The following ZSWIM6 variants were observed in gnomAD, a reference collection of about 807,000 sequenced individuals.
ZSWIM6 encodes zinc finger SWIM domain-containing protein 6.
ZSWIM6 carries 9 observed loss-of-function variants against 113.2 expected under a neutral mutation model. That is an observed-to-expected ratio of 0.08 (90% CI 0.05 to 0.14). The LOEUF (loss-of-function observed/expected upper bound fraction) is 0.14, where lower values mean the gene tolerates loss of function less well. Ranked by LOEUF, ZSWIM6 falls within the 10% of genes least tolerant of loss-of-function variation. The pLI is 1.00. For missense variants in ZSWIM6, 1,162 were observed against 1,552.2 expected (o/e 0.75, Z 4.22); for synonymous variants, 611 against 606.5 (o/e 1.01, Z -0.11).
intron 1 of ZSWIM6, among the ~76,000 whole-genome samples, chr5:61,442,167 T>A (rs1044136323): frequency 6.6e-6 from 1 of 152,130 alleles, no homozygotes; most frequent in Non-Finnish European, 1.5e-5. Context: ...AAGTTTCAGT[T>A]CCTTGAGACT....
intron 4 of ZSWIM6, among the ~76,000 whole-genome samples, chr5:61,516,453 T>C (rs1748942424): frequency 6.8e-6 from 1 of 146,330 alleles, no homozygotes; most frequent in African/African-American, 2.5e-5. Context: ...CATATATATA[T>C]ATATAAAAAC....
chr5:61,519,941 G>A (rs1042992549), intron 4 of ZSWIM6, among the ~76,000 whole-genome samples: 7 of 152,098 alleles, frequency 4.6e-5, no homozygotes, highest in Non-Finnish European at 1.0e-4. Context: ...AATAGTATTT[G>A]TGTTCCTATG....
intron 4 of ZSWIM6, among the ~76,000 whole-genome samples, chr5:61,497,452 C>G (rs1049159674): frequency 6.6e-6 from 1 of 152,184 alleles, no homozygotes; most frequent in Non-Finnish European, 1.5e-5. Flanking sequence ...CTCCAGCTAA[C>G]AAAGGGACTG....
intron 2 of ZSWIM6, among the ~76,000 whole-genome samples, chr5:61,489,772 G>A (rs1748130310): frequency 6.6e-6 from 1 of 152,012 alleles, no homozygotes; most frequent in Admixed American, 6.6e-5. Context: ...CAGTAAATAT[G>A]CTGACTGGCT....
At chr5:61,478,577 A>T (rs991433102) in intron 2 of ZSWIM6, among the ~76,000 whole-genome samples, 1 of 152,320 alleles carries the variant, frequency 6.6e-6, no homozygotes. Flanking sequence ...ATTGTAGTAC[A>T]ATATTTCATA....
At chr5:61,427,388 C>T (rs1746483704) in intron 1 of ZSWIM6, among the ~76,000 whole-genome samples, 1 of 152,188 alleles carries the variant, frequency 6.6e-6, no homozygotes, top group Non-Finnish European at 1.5e-5. Context: ...AATGCCTACA[C>T]ATAACTTCAT....
chr5:61,382,816 A>G (rs537500182), intron 1 of ZSWIM6, among the ~76,000 whole-genome samples: 165 of 150,242 alleles, frequency 1.1e-3, no homozygotes, highest in African/African-American at 3.6e-3. Context: ...AAATAAAAAA[A>G]AAAGAAAGAA....
chr5:61,515,608 T>G (rs1748913457), intron 4 of ZSWIM6, among the ~76,000 whole-genome samples: 2 of 152,118 alleles, frequency 1.3e-5, no homozygotes, highest in Admixed American at 6.6e-5. Flanking sequence ...ACCTAATCAC[T>G]TCTTAAGGAC....
At chr5:61,409,084 TTTTTTTTTTTC>T (rs1258267928) in intron 1 of ZSWIM6, among the ~76,000 whole-genome samples, 1 of 122,200 alleles carries the variant, frequency 8.2e-6, no homozygotes, top group African/African-American at 3.7e-5. Flanking sequence ...TTTTTTTTTT[TTTTTTTTTTTC>T]CCGTTTTTGA....
chr5:61,333,007 G>GT (rs1002251225), intron 1 of ZSWIM6, 59 bp downstream of exon 1: 3 of 577,620 alleles, frequency 5.2e-6, no homozygotes, highest in South Asian at 4.2e-5. Flanking sequence ...GGTGGGGGGG[G>GT]GGTGCCCGCC....
chr5:61,525,821 G>A lies in ZSWIM6; in HGVS notation c.1535G>A (p.Arg512Gln). 1 of 1,551,656 alleles carries A rather than the reference G, an allele frequency of 6.4e-7. No individual in the cohort carries two copies. Among genetic ancestry groups the A allele is most frequent in the African/African-American group, 1.4e-5 (1 of 73,122 alleles). The change falls in exon 6 of 14, where the codon CGG (arginine) becomes CAG (glutamine). Residue 512 changes from arginine (R) to glutamine (Q), a missense_variant. By Grantham distance (43) the Arg-to-Gln change is conservative. Around this residue, in one of 4 missense-constraint regions of ZSWIM6, gnomAD observed 620 missense variants for 804.6 expected, o/e 0.77. Transcript: ENST00000252744. ...ANQDSSNRPH[R>Q]TVFTRAIEAC... Reference sequence around the variant, plus strand: ...ACAGATTCATCGAACAGGCCACATCGGACAGTGTTCACCCGAGCCATCGAG... The same window carrying A: ...ACAGATTCATCGAACAGGCCACATCAGACAGTGTTCACCCGAGCCATCGAG...
chr5:61,388,643 A>C (rs1745640580), intron 1 of ZSWIM6, among the ~76,000 whole-genome samples: 1 of 152,258 alleles, frequency 6.6e-6, no homozygotes, highest in African/African-American at 2.4e-5. Flanking sequence ...GATATTAAGT[A>C]ATTTGGCTTT....
At chr5:61,467,751 G>C (rs1250847648) in intron 1 of ZSWIM6, among the ~76,000 whole-genome samples, 1 of 152,158 alleles carries the variant, frequency 6.6e-6, no homozygotes, top group Non-Finnish European at 1.5e-5. Context: ...GAACTTAATA[G>C]GAAAATGGGG....
At chr5:61,490,716 T>A in intron 2 of ZSWIM6, 70 bp from the exon 3 acceptor site, 1 of 1,445,180 alleles carries the variant, frequency 6.9e-7, no homozygotes, top group Admixed American at 2.8e-5. Context: ...GCAAAAAGAG[T>A]CTTAATTAAT....
intron 1 of ZSWIM6, among the ~76,000 whole-genome samples, chr5:61,389,933 TA>T (rs1745669972): frequency 6.6e-6 from 1 of 152,244 alleles, no homozygotes; most frequent in African/African-American, 2.4e-5. Context: ...CTGACCAATC[TA>T]GGGAATTTCT....
chr5:61,358,379 T>A (rs1744964173), intron 1 of ZSWIM6, among the ~76,000 whole-genome samples: 1 of 152,222 alleles, frequency 6.6e-6, no homozygotes, highest in African/African-American at 2.4e-5. Flanking sequence ...CTGCTGTTAT[T>A]TGAAGCAGTA....
chr5:61,487,381 CT>C (rs925611993), intron 2 of ZSWIM6, among the ~76,000 whole-genome samples: 1 of 151,714 alleles, frequency 6.6e-6, no homozygotes, highest in African/African-American at 2.4e-5. Flanking sequence ...TATTTGGCCT[CT>C]TTTTTTGGTT....
At chr5:61,496,264 A>G (rs763607685) in intron 4 of ZSWIM6, among the ~76,000 whole-genome samples, 1 of 152,090 alleles carries the variant, frequency 6.6e-6, no homozygotes, top group African/African-American at 2.4e-5. Flanking sequence ...CCCACTGCCC[A>G]ATCATTACTA....
chr5:61,493,328 T>A (rs752325911), intron 3 of ZSWIM6, among the ~76,000 whole-genome samples: 5 of 152,160 alleles, frequency 3.3e-5, no homozygotes, highest in Non-Finnish European at 7.4e-5. Context: ...AGAACCTTTA[T>A]GCAATTACTA....
Sources: allele counts gnomAD v4.1 joint callset (sites outside exome capture counted in the v4.1 genomes callset), GRCh38; gene constraint gnomAD v4.1.1; regional missense constraint gnomAD v4.1.1; transcripts MANE v1.5; gene names NCBI Gene and HGNC (gene_info 2026-07-23, HGNC 2026-07-21).